MMP16: variants seen among roughly 807,000 people sequenced by gnomAD.
MMP16 encodes matrix metallopeptidase 16, also known as matrix metalloproteinase-16.
In MMP16, 12 loss-of-function variants were observed where a neutral mutation model predicts 67.8. That is an observed-to-expected ratio of 0.18 (90% confidence interval 0.11 to 0.29). The LOEUF (loss-of-function observed/expected upper bound fraction) is 0.29, where lower values mean the gene tolerates loss of function less well. Ranked by LOEUF, MMP16 falls within the 10% of genes least tolerant of loss-of-function variation. MMP16 has a pLI of 1.00. For missense variants in MMP16, 475 were observed against 765.7 expected, an observed-to-expected ratio of 0.62 and a Z score of 4.48; for synonymous variants, 249 against 255.9, an observed-to-expected ratio of 0.97 and a Z score of 0.26.
chr8:88,250,139 A>G (rs1043632686), intron 1 of MMP16, among the ~76,000 whole-genome samples: 11 of 151,970 alleles, frequency 7.2e-5, no homozygotes, highest in Non-Finnish European at 2.9e-5. Flanking sequence ...TACTATCTTA[A>G]TATCTTGCCT....
At chr8:88,326,949 A>G in intron 1 of MMP16, 126 bp downstream of exon 1, 3 of 1,274,214 alleles carry the variant, frequency 2.4e-6, no homozygotes, top group Admixed American at 3.9e-5. Context: ...GGGTCTCCAC[A>G]GCTGGAAGGG....
chr8:88,075,653 C>A (rs1176161586), intron 6 of MMP16, among the ~76,000 whole-genome samples: 1 of 151,992 alleles, frequency 6.6e-6, no homozygotes, highest in African/African-American at 2.4e-5. Flanking sequence ...CATTTAAAAA[C>A]TAGGTGTATT....
intron 7 of MMP16, among the ~76,000 whole-genome samples, chr8:88,061,038 T>A (rs907408478): frequency 1.3e-5 from 2 of 151,922 alleles, no homozygotes; most frequent in Admixed American, 6.6e-5. Flanking sequence ...AAAAATCATT[T>A]ATTTAAGTGA....
intron 1 of MMP16, among the ~76,000 whole-genome samples, chr8:88,317,758 A>G (rs1193787506): frequency 6.6e-6 from 1 of 152,166 alleles, no homozygotes; most frequent in Non-Finnish European, 1.5e-5. Flanking sequence ...GCTGAAAGCT[A>G]CATACAAGAA....
intron 1 of MMP16, among the ~76,000 whole-genome samples, chr8:88,271,316 A>G (rs1216505177): frequency 6.6e-6 from 1 of 152,210 alleles, no homozygotes; most frequent in African/African-American, 2.4e-5. Flanking sequence ...CCATTCTTCC[A>G]TAACTTGGAT....
intron 6 of MMP16, among the ~76,000 whole-genome samples, chr8:88,081,558 T>C (rs1200251726): frequency 6.6e-6 from 1 of 152,084 alleles, no homozygotes; most frequent in Non-Finnish European, 1.5e-5. Context: ...CATACCAGCC[T>C]GGGCAATACA....
At chr8:88,162,265 C>G (rs1365688806) in intron 4 of MMP16, among the ~76,000 whole-genome samples, 2 of 151,894 alleles carry the variant, frequency 1.3e-5, no homozygotes. Context: ...TACTATCAAA[C>G]TTTTGATTAC....
intron 7 of MMP16, among the ~76,000 whole-genome samples, chr8:88,065,099 A>G (rs532336164): frequency 6.6e-6 from 1 of 152,116 alleles, no homozygotes; most frequent in South Asian, 2.1e-4. Context: ...CTTTGATGTG[A>G]AGCTTGGCAT....
At chr8:88,235,607 A>G (rs1186562449) in intron 1 of MMP16, among the ~76,000 whole-genome samples, 3 of 152,122 alleles carry the variant, frequency 2.0e-5, no homozygotes, top group African/African-American at 7.2e-5. Flanking sequence ...AGGAAAACAA[A>G]AAAGTGGAAA....
At chr8:88,102,668 A>G (rs778236837) in intron 6 of MMP16, among the ~76,000 whole-genome samples, 4 of 151,766 alleles carry the variant, frequency 2.6e-5, no homozygotes, top group Non-Finnish European at 4.4e-5. Context: ...TCCAGTGGCC[A>G]GCCCCCATCC....
rs532342220 is a variant in MMP16, at chr8:88,216,965, A to T, written c.133-19659T>A. Among the ~76,000 whole-genome samples, 72 of 152,058 alleles carry T rather than the reference A, an allele frequency of 4.7e-4. 2 individuals carry two copies. In the South Asian group the frequency reaches 0.014, roughly 30 times the overall value. On this transcript the variant is annotated intron_variant, in intron 1 of 9. Coordinates refer to ENST00000286614, the MANE Select transcript of MMP16 (RefSeq NM_005941.5). ...TACTTTTATATTTATATATATGTGG[A>T]CTCATGGCTTGCTATTTTATTAAGT...
intron 3 of MMP16, among the ~76,000 whole-genome samples, chr8:88,181,306 C>A (rs539705853): frequency 8.6e-5 from 13 of 151,952 alleles, no homozygotes; most frequent in Non-Finnish European, 1.8e-4. Context: ...AACAAAAAAT[C>A]TCCTAGACTA....
chr8:88,249,740 T>A (rs549388195), intron 1 of MMP16, among the ~76,000 whole-genome samples: 2 of 151,932 alleles, frequency 1.3e-5, no homozygotes, highest in Non-Finnish European at 2.9e-5. Context: ...CCACTGGCTG[T>A]AGAGCTCCAC....
chr8:88,191,958 T>C (rs1313646464), intron 2 of MMP16, among the ~76,000 whole-genome samples: 2 of 152,184 alleles, frequency 1.3e-5, no homozygotes, highest in Admixed American at 6.5e-5. Flanking sequence ...AGAAAATGAC[T>C]GCCAAATACA....
intron 4 of MMP16, among the ~76,000 whole-genome samples, chr8:88,159,634 G>T (rs1379935504): frequency 6.6e-6 from 1 of 152,012 alleles, no homozygotes; most frequent in Non-Finnish European, 1.5e-5. Context: ...TCTTTCTCCT[G>T]CCTGATTGCC....
At chr8:88,091,271 T>A (rs1176313824) in intron 6 of MMP16, among the ~76,000 whole-genome samples, 2 of 151,846 alleles carry the variant, frequency 1.3e-5, no homozygotes, top group Non-Finnish European at 2.9e-5. Context: ...ATAATACCTA[T>A]TTTCCCCCAA....
intron 6 of MMP16, among the ~76,000 whole-genome samples, chr8:88,109,928 G>A (rs1809306050): frequency 6.6e-6 from 1 of 150,586 alleles, no homozygotes; most frequent in Non-Finnish European, 1.5e-5. Flanking sequence ...ATGATTATAG[G>A]GAATTGTCTT....
intron 1 of MMP16, among the ~76,000 whole-genome samples, chr8:88,258,178 C>T (rs988250682): frequency 6.6e-6 from 1 of 152,046 alleles, no homozygotes; most frequent in South Asian, 2.1e-4. Context: ...ACAGGACTTG[C>T]TTCACATCTT....
At chr8:88,153,852 C>G (rs1353120180) in intron 4 of MMP16, among the ~76,000 whole-genome samples, 1 of 151,862 alleles carries the variant, frequency 6.6e-6, no homozygotes, top group African/African-American at 2.4e-5. Context: ...CAACAAAAGC[C>G]AAAAGTGACA....
Sources: allele counts gnomAD v4.1 joint callset (sites outside exome capture counted in the v4.1 genomes callset), GRCh38; gene constraint gnomAD v4.1.1; transcripts MANE v1.5; gene names NCBI Gene and HGNC (gene_info 2026-07-23, HGNC 2026-07-21).